KLF12: variants seen among roughly 807,000 people sequenced by gnomAD.
KLF12 encodes KLF transcription factor 12.
KLF12 carries 9 observed loss-of-function variants against 37.8 expected under a neutral mutation model. The observed-to-expected ratio is 0.24, with a 90% CI of 0.14 to 0.42. KLF12 has a LOEUF of 0.42. KLF12 is among the 10% of genes least tolerant of loss of function. The pLI is 1.00. For missense variants in KLF12, 411 were observed against 516.0 expected (o/e 0.80, Z 1.97); for synonymous variants, 208 against 202.1 (o/e 1.03, Z -0.25).
At position 73,720,234 on chromosome 13, in the gene KLF12, C is replaced by T. The variant is rs114381124; in HGVS notation, c.870-4709G>A. 2.6e-3 allele frequency among the ~76,000 whole-genome samples: 393 copies of T among 152,248 alleles called. 1 individual carries two copies. The highest frequency in any genetic ancestry group is 8.8e-3 in the African/African-American group (367 of 41,568). The stretch of plus-strand genomic sequence containing the variant: ...TAAGAAGGGGTGTTAGGTAACAGAA[C>T]AGCTGGGTGTTTTCACTCTGCCTTA... On this transcript the variant is annotated intron_variant, in intron 6 of 7. Coordinates refer to ENST00000377669, the MANE Select transcript of KLF12 (RefSeq NM_007249.5).
the KLF12 span, among the ~76,000 whole-genome samples, chr13:74,234,301 C>T: frequency 1.3e-5 from 2 of 152,184 alleles, no homozygotes; most frequent in African/African-American, 4.8e-5. Context: ...CAGCATAACA[C>T]AGTGGGTAGA....
At chr13:74,241,907 C>T in the KLF12 span, among the ~76,000 whole-genome samples, 6 of 152,184 alleles carry the variant, frequency 3.9e-5, no homozygotes, top group East Asian at 5.8e-4. Context: ...CCGTCTTCTG[C>T]GTCGCTCACG....
At chr13:73,924,888 G>C (rs2875668) in intron 3 of KLF12, among the ~76,000 whole-genome samples, 73,998 of 151,992 alleles carry the variant, frequency 0.49, 19,150 homozygotes, top group Admixed American at 0.57. Context: ...AGTTTGAGTG[G>C]TCTCGACAGG....
At chr13:73,877,991 C>A (rs1417076237) in intron 3 of KLF12, among the ~76,000 whole-genome samples, 1 of 152,090 alleles carries the variant, frequency 6.6e-6, no homozygotes, top group Non-Finnish European at 1.5e-5. Flanking sequence ...CACCCCGTCA[C>A]CAAACAGATG....
At chr13:73,835,000 T>G (rs1454588440) in intron 4 of KLF12, among the ~76,000 whole-genome samples, 1 of 151,772 alleles carries the variant, frequency 6.6e-6, no homozygotes, top group Non-Finnish European at 1.5e-5. Flanking sequence ...CATTTTTATT[T>G]CCACTGAATA....
In KLF12 at chr13:74,053,099, T is replaced by C. The variant is rs573279554; in HGVS notation, c.-31-58046A>G. 3.7e-4 allele frequency among the ~76,000 whole-genome samples: 56 copies of C among 152,320 alleles called. No individual in the cohort carries two copies. The South Asian group carries it at 6.8e-3, about 19-fold the overall frequency. On this transcript the variant is annotated intron_variant, in intron 1 of 7. Transcript: ENST00000377669. ...TTTCAATCTGGTTGTATGTTGATAA[T>C]GAACATCTTTCAATACTTGCTGTAA...
chr13:74,112,485 AG>A (rs1207475945), intron 1 of KLF12, among the ~76,000 whole-genome samples: 1 of 151,498 alleles, frequency 6.6e-6, no homozygotes, highest in Admixed American at 6.6e-5. Flanking sequence ...CATGTCTGTT[AG>A]TGCCATTTTT....
intron 7 of KLF12, among the ~76,000 whole-genome samples, chr13:73,709,407 A>G (rs1489554463): frequency 6.6e-6 from 1 of 152,200 alleles, no homozygotes; most frequent in Non-Finnish European, 1.5e-5. Context: ...TTGGTCACAC[A>G]CAAGTAACTT....
Position 73,764,999 on chromosome 13 carries a change from C to T in KLF12, c.808G>A (p.Val270Ile). The stretch of plus-strand genomic sequence containing the variant: ...ACCCTTGATACTGGGGACGGATGTA[C>T]CCTGTAGACAGAGAAGAATAATCCA... The change falls in exon 6 of 8, where the codon GTA (valine) becomes ATA (isoleucine). Residue 270 changes from valine (V) to isoleucine (I), a missense_variant and splice_region_variant. By Grantham distance (29) the Val-to-Ile change is conservative. Coordinates refer to ENST00000377669, the MANE Select transcript of KLF12 (RefSeq NM_007249.5). The T allele has an allele frequency of 6.5e-7, 1 of 1,543,956 alleles. No individual in the cohort carries two copies. Among genetic ancestry groups the T allele is most frequent in the East Asian group, 2.2e-5 (1 of 44,668 alleles).
chr13:74,113,795 T>C (rs534795200), intron 1 of KLF12, among the ~76,000 whole-genome samples: 1 of 152,356 alleles, frequency 6.6e-6, no homozygotes, highest in East Asian at 1.9e-4. Flanking sequence ...ATACTTGCCA[T>C]AGATAGTGGC....
intron 2 of KLF12, among the ~76,000 whole-genome samples, chr13:73,969,816 A>G (rs1413782691): frequency 6.6e-6 from 1 of 152,234 alleles, no homozygotes; most frequent in Admixed American, 6.5e-5. Flanking sequence ...AATCTTCTTC[A>G]TAGGGCTACC....
rs1443640805 is a variant in KLF12, at chr13:73,910,586, A to G, written c.123+33395T>C. ...GATAAATAGTTAAGAGGGGTAGGAG[A>G]GAGAGAATGGTTGTTATCATAGGAT... On this transcript the variant is annotated intron_variant, in intron 3 of 7. Coordinates refer to ENST00000377669, the MANE Select transcript of KLF12 (RefSeq NM_007249.5). 2.0e-5 allele frequency among the ~76,000 whole-genome samples: 3 copies of G among 152,172 alleles called. No homozygotes were observed. In the East Asian group the frequency reaches 5.8e-4, roughly 29 times the overall value.
At chr13:74,199,993 G>A in the KLF12 span, among the ~76,000 whole-genome samples, 1,309 of 152,066 alleles carry the variant, frequency 8.6e-3, 26 homozygotes, top group African/African-American at 0.029. Flanking sequence ...TAACTTCTGG[G>A]TGCTGAGGCC....
At chr13:73,814,304 G>A (rs529045718) in intron 4 of KLF12, among the ~76,000 whole-genome samples, 2 of 152,062 alleles carry the variant, frequency 1.3e-5, no homozygotes, top group Non-Finnish European at 2.9e-5. Context: ...TGACATTTGG[G>A]TACATTTCAT....
At chr13:74,275,695 A>G in the KLF12 span, among the ~76,000 whole-genome samples, 2 of 150,834 alleles carry the variant, frequency 1.3e-5, no homozygotes, top group African/African-American at 4.9e-5. Flanking sequence ...TTGTTTGTAT[A>G]TAACCTTTTT....
intron 1 of KLF12, among the ~76,000 whole-genome samples, chr13:74,019,694 C>T (rs756919711): frequency 4.6e-5 from 7 of 152,182 alleles, no homozygotes; most frequent in African/African-American, 2.4e-5. Context: ...CCAATTTTAA[C>T]GTTTTTAAGA....
chr13:74,221,058 G>C, the KLF12 span, among the ~76,000 whole-genome samples: 1 of 149,494 alleles, frequency 6.7e-6, no homozygotes, highest in Non-Finnish European at 1.5e-5. Context: ...AGGCTGGAGT[G>C]CAGTGGTGCT....
chr13:74,289,622 A>C, the KLF12 span, among the ~76,000 whole-genome samples: 2 of 152,220 alleles, frequency 1.3e-5, no homozygotes, highest in Non-Finnish European at 2.9e-5. Flanking sequence ...AGTAATAGGT[A>C]ATAAGGGAAG....
the KLF12 span, among the ~76,000 whole-genome samples, chr13:74,225,222 C>T: frequency 2.0e-5 from 3 of 152,112 alleles, no homozygotes; most frequent in South Asian, 2.1e-4. Context: ...TACACCTGAT[C>T]CCTTGATATC....
Sources: gnomAD v4.1 joint callset for allele counts (sites outside exome capture counted in the v4.1 genomes callset) on GRCh38, gnomAD v4.1.1 for gene constraint, MANE v1.5 for transcripts, NCBI Gene and HGNC (gene_info 2026-07-23, HGNC 2026-07-21) for gene names.